PLEKHM1: variants seen among roughly 807,000 people sequenced by gnomAD.
The protein encoded by PLEKHM1 is pleckstrin homology and RUN domain containing M1, also known as pleckstrin homology domain-containing family M member 1.
Under a neutral mutation model 94.3 loss-of-function variants are expected in PLEKHM1, and 28 were observed. That is an observed-to-expected ratio of 0.30 (90% CI 0.22 to 0.41). PLEKHM1 has a LOEUF of 0.41. PLEKHM1 is among the 10% of genes least tolerant of loss of function. PLEKHM1 has a pLI of 1.00. For synonymous variants in PLEKHM1, 424 were observed against 581.2 expected, an observed-to-expected ratio of 0.73 and a Z score of 3.89; for missense variants, 907 against 1,358.6, an observed-to-expected ratio of 0.67 and a Z score of 5.22.
chr17:45,481,894 C>T (rs1377222884), intron 2 of PLEKHM1, among the ~76,000 whole-genome samples: 2 of 152,160 alleles, frequency 1.3e-5, no homozygotes, highest in East Asian at 3.9e-4. Context: ...AGCCCCAAAG[C>T]TACCTGACTT....
chr17:45,450,168 T>TCCATCCACCTAA lies in PLEKHM1; in HGVS notation c.2643+438_2643+449dup, dbSNP rs1186353317. On this transcript the variant is annotated intron_variant, in intron 8 of 11. Coordinates refer to ENST00000430334, the MANE Select transcript of PLEKHM1 (RefSeq NM_014798.3). ...ACCTGCTCATTCACCTACCTACCTA[T>TCCATCCACCTAA]CCATCCACCTAACCATCCACCTAGC... is the stretch of plus-strand genomic sequence containing the variant. 5.9e-4 allele frequency among the ~76,000 whole-genome samples: 72 copies of TCCATCCACCTAA among 122,910 alleles called. 1 individual carries two copies. The highest frequency in any genetic ancestry group is 2.2e-3 in the African/African-American group (70 of 31,786). The allele number at this position is 122,910 out of a possible 152,430, so 80.6% of individuals were successfully genotyped here.
chr17:45,479,363 C>A (rs556288484), intron 2 of PLEKHM1, among the ~76,000 whole-genome samples: 102 of 151,982 alleles, frequency 6.7e-4, no homozygotes, highest in Non-Finnish European at 1.2e-3. Context: ...ACTAAAAATG[C>A]AAAAAAATAG....
chr17:45,454,083 C>G lies in PLEKHM1; in HGVS notation c.1769G>C (p.Ser590Thr). Residue 590 changes from serine to threonine, a missense_variant, in exon 7 of 12, where the codon AGT becomes ACT. Physicochemically the swap from Ser to Thr is moderately conservative, Grantham distance 58. Transcript: ENST00000430334. Reference sequence around the variant, plus strand: ...GAAGACCAGCTCAAAGCGCCCATCACTATGGGCTGGCCCCACAGACTCACA... The same window carrying G: ...GAAGACCAGCTCAAAGCGCCCATCAGTATGGGCTGGCCCCACAGACTCACA... ...LRCESVGPAH[S>T]DGRFELVFSG... The G allele has an allele frequency of 6.2e-7, 1 of 1,614,232 alleles. No homozygotes were observed. Among genetic ancestry groups the G allele is most frequent in the East Asian group, 2.2e-5 (1 of 44,888 alleles).
At chr17:45,484,658 T>C (rs564190644) in intron 1 of PLEKHM1, among the ~76,000 whole-genome samples, 1 of 152,336 alleles carries the variant, frequency 6.6e-6, no homozygotes, top group African/African-American at 2.4e-5. Flanking sequence ...CCCTCACATT[T>C]GGCTCAGAAT....
chr17:45,473,759 C>T (rs553257290), intron 4 of PLEKHM1, among the ~76,000 whole-genome samples: 91 of 152,022 alleles, frequency 6.0e-4, no homozygotes, highest in Non-Finnish European at 1.1e-3. Context: ...GGGGTTTCAC[C>T]GTGTTAGCCA....
chr17:45,440,337 T>C, intron 9 of PLEKHM1, 111 bp from the exon 10 acceptor site: 6 of 1,088,960 alleles, frequency 5.5e-6, no homozygotes, highest in Non-Finnish European at 8.4e-6. Context: ...ACCCCCCGCC[T>C]GGGCGGGGCA....
At chr17:45,488,187 A>G (rs1418455386) in intron 1 of PLEKHM1, among the ~76,000 whole-genome samples, 1 of 152,190 alleles carries the variant, frequency 6.6e-6, no homozygotes, top group Non-Finnish European at 1.5e-5. Context: ...AACACTAGCT[A>G]TCTTTCTTTC....
intron 2 of PLEKHM1, among the ~76,000 whole-genome samples, chr17:45,480,501 A>T (rs1343177523): frequency 1.3e-5 from 2 of 152,212 alleles, no homozygotes; most frequent in Non-Finnish European, 2.9e-5. Flanking sequence ...CAAAAAAACA[A>T]AAAAACAAAA....
chr17:45,448,486 T>G (rs1269848358), intron 8 of PLEKHM1, among the ~76,000 whole-genome samples: 1 of 152,256 alleles, frequency 6.6e-6, no homozygotes, highest in Non-Finnish European at 1.5e-5. Context: ...AGCTTCTTCC[T>G]TGTGTTTCTG....
At chr17:45,454,330 A>G (rs1008159098) in intron 6 of PLEKHM1, 58 bp from the exon 7 acceptor site, 2 of 1,490,726 alleles carry the variant, frequency 1.3e-6, no homozygotes, top group Non-Finnish European at 1.8e-6. Context: ...TGTCCTGCCC[A>G]AGGCAGCCTC....
chr17:45,459,181 C>CCT (rs1302077173), intron 5 of PLEKHM1, among the ~76,000 whole-genome samples: 1 of 152,072 alleles, frequency 6.6e-6, no homozygotes, highest in African/African-American at 2.4e-5. Context: ...AACATTTTGG[C>CCT]TTAGTCAGAG....
intron 5 of PLEKHM1, among the ~76,000 whole-genome samples, chr17:45,461,761 C>G (rs1479142626): frequency 6.6e-6 from 1 of 152,124 alleles, no homozygotes; most frequent in Admixed American, 6.5e-5. Context: ...AGGCCCTGCC[C>G]CTTCCCTTCG....
chr17:45,482,862 C>G (rs1037361030), intron 1 of PLEKHM1, among the ~76,000 whole-genome samples: 24 of 151,640 alleles, frequency 1.6e-4, no homozygotes, highest in African/African-American at 5.9e-4. Context: ...CAGGCTGATT[C>G]AGATACGGAG....
At chr17:45,470,515 G>A (rs1385074099) in intron 4 of PLEKHM1, among the ~76,000 whole-genome samples, 3 of 152,298 alleles carry the variant, frequency 2.0e-5, no homozygotes, top group African/African-American at 7.2e-5. Flanking sequence ...TGTAATCCCA[G>A]CTACTTGGGG....
In PLEKHM1 at chr17:45,453,049, A is replaced by G; in HGVS notation, c.2497+306T>C. 1.8e-6 allele frequency: 1 copy of G among 563,164 alleles called. No individual in the cohort carries two copies. Among genetic ancestry groups the G allele is most frequent in the Non-Finnish European group, 3.2e-6 (1 of 313,170 alleles). The allele number at this position is 563,164 out of a possible 1,614,324, so 34.9% of individuals were successfully genotyped here. A position where few individuals can be genotyped will look rare whatever the true frequency, so the allele number is the denominator to read the frequency against. The stretch of plus-strand genomic sequence containing the variant: ...TCTGAAAGAACAGGACGGTAGAGCA[A>G]GAAGAAAATGAAGCAGGCTGGGACT... On this transcript the variant is annotated intron_variant, in intron 7 of 11. Transcript: ENST00000430334. The surrounding 1 kb of genome is among the most constrained non-coding windows in gnomAD (Gnocchi z 4.1).
intron 8 of PLEKHM1, among the ~76,000 whole-genome samples, chr17:45,448,379 A>G (rs1369922455): frequency 6.6e-6 from 1 of 152,232 alleles, no homozygotes; most frequent in Admixed American, 6.5e-5. Flanking sequence ...AGGTTGAGGT[A>G]GAACTGACTG....
In PLEKHM1 at chr17:45,453,122, G is replaced by A. The variant is rs866636218; in HGVS notation, c.2497+233C>T. On this transcript the variant is annotated intron_variant, in intron 7 of 11. Transcript: ENST00000430334. This position sits in a 1 kb window ranked among gnomAD's most constrained non-coding sequence, Gnocchi z 4.1. ...CCAGCCTGCCGCCCATCAGTGGGAG[G>A]TGGCAGGAGAGGGACGGGTGAGCAG... 3.2e-6 allele frequency: 2 copies of A among 616,338 alleles called. No individual in the cohort carries two copies. Among genetic ancestry groups the A allele is most frequent in the South Asian group, 1.9e-5 (1 of 52,576 alleles). The allele number at this position is 616,338 out of a possible 1,614,324, so 38.2% of individuals were successfully genotyped here.
intron 11 of PLEKHM1, 117 bp from the exon 12 acceptor site, chr17:45,438,086 C>T: frequency 1.3e-6 from 1 of 754,138 alleles, no homozygotes; most frequent in South Asian, 1.4e-5. Flanking sequence ...CTGTGTAACC[C>T]ATGCACGCAC....
chr17:45,486,810 C>T, intron 1 of PLEKHM1, among the ~76,000 whole-genome samples: 1 of 152,164 alleles, frequency 6.6e-6, no homozygotes, highest in East Asian at 1.9e-4. Context: ...CTATCTGTAT[C>T]TGTTCCATCA....
Sources: allele counts gnomAD v4.1 joint callset (sites outside exome capture counted in the v4.1 genomes callset), GRCh38; gene constraint gnomAD v4.1.1; non-coding constraint Gnocchi (gnomAD v3.1); transcripts MANE v1.5; gene names NCBI Gene and HGNC (gene_info 2026-07-23, HGNC 2026-07-21).